ANKRD26: variants seen among roughly 807,000 people sequenced by gnomAD.
ANKRD26 encodes ankyrin repeat domain-containing protein 26.
In ANKRD26, 141 loss-of-function variants were observed where a neutral mutation model predicts 208.7. The ratio of observed to expected loss-of-function variants is 0.68; its 90% CI spans 0.59 to 0.78. The LOEUF (loss-of-function observed/expected upper bound fraction) is 0.78. Among genes scored for constraint, ANKRD26 ranks in the 30% least tolerant of loss-of-function variants. ANKRD26 has a pLI of 0.00. For missense variants in ANKRD26, 1,889 were observed against 1,938.7 expected, an observed-to-expected ratio of 0.97 and a Z score of 0.48; for synonymous variants, 636 against 660.4, an observed-to-expected ratio of 0.96 and a Z score of 0.57.
chr10:27,093,684 C>A lies in ANKRD26; in HGVS notation c.357+1G>T. The A allele has an allele frequency of 1.2e-6, 2 of 1,613,274 alleles. No homozygotes were observed. Among genetic ancestry groups the A allele is most frequent in the Non-Finnish European group, 1.7e-6 (2 of 1,179,194 alleles). On this transcript the variant is annotated splice_donor_variant, in intron 2 of 33. Coordinates refer to ENST00000376087, the MANE Select transcript of ANKRD26 (RefSeq NM_014915.3). LOFTEE classifies it high-confidence loss of function. ...TGCTGAAAGAGCTGGCTACTATATACCTTCATCAGAGCTGTCCTGTTTTCG... is the reference window on the plus strand; with the variant it reads ...TGCTGAAAGAGCTGGCTACTATATAACTTCATCAGAGCTGTCCTGTTTTCG...
intron 1 of ANKRD26, 65 bp from the exon 2 acceptor site, chr10:27,093,864 A>C (rs2056380937): frequency 8.0e-7 from 1 of 1,248,644 alleles, no homozygotes; most frequent in Admixed American, 1.7e-5. Context: ...AATGGTTCAT[A>C]AAATTATAAA....
At position 27,100,217 on chromosome 10, in the gene ANKRD26, T is replaced by C. The variant is rs543170486; in HGVS notation, c.110A>G (p.Gln37Arg). The change falls in exon 1 of 34, where the codon CAG (glutamine) becomes CGG (arginine). Residue 37 changes from glutamine (Q) to arginine (R), a missense_variant. Transcript: ENST00000376087. ...GGEPGEGAYS[Q>R]PGYHVRDRDL... Reference sequence around the variant, plus strand: ...TCGGTCTCGGACGTGGTAGCCGGGCTGCGAGTAGGCGCCCTCCCCCGGCTC... The same window carrying C: ...TCGGTCTCGGACGTGGTAGCCGGGCCGCGAGTAGGCGCCCTCCCCCGGCTC... 41 of 1,613,304 alleles carry C rather than the reference T, an allele frequency of 2.5e-5. No homozygotes were observed. The African/African-American group carries it at 4.7e-4, about 18-fold the overall frequency.
intron 27 of ANKRD26, among the ~76,000 whole-genome samples, chr10:27,028,544 C>T (rs1015056944): frequency 9.3e-5 from 13 of 140,246 alleles, no homozygotes; most frequent in African/African-American, 3.2e-4. Flanking sequence ...TGAGATCGCA[C>T]CACTGCACTC....
Position 27,013,103 on chromosome 10 carries a change from C to CT in ANKRD26, c.4731_4732insA (p.Glu1578ArgfsTer39). 1.2e-6 allele frequency: 2 copies of CT among 1,613,642 alleles called. No individual in the cohort carries two copies. Among genetic ancestry groups the CT allele is most frequent in the Non-Finnish European group, 1.7e-6 (2 of 1,179,748 alleles). The stretch of plus-strand genomic sequence containing the variant: ...TTGGTGTTGACCTCTGCTAGCCTCT[C>CT]ATTAGTTCTGTGAAGATTGCAGAAG... On this transcript the variant is annotated frameshift_variant, in exon 32 of 34. Coordinates refer to ENST00000376087, the MANE Select transcript of ANKRD26 (RefSeq NM_014915.3). LOFTEE classifies it high-confidence loss of function.
intron 9 of ANKRD26, among the ~76,000 whole-genome samples, chr10:27,076,009 G>A (rs189955311): frequency 3.4e-4 from 52 of 152,090 alleles, no homozygotes; most frequent in Admixed American, 2.0e-3. Context: ...TCCTGATTTC[G>A]GAGTTAATAA....
intron 4 of ANKRD26, among the ~76,000 whole-genome samples, chr10:27,086,953 T>C (rs2056145675): frequency 6.6e-6 from 1 of 152,012 alleles, no homozygotes; most frequent in African/African-American, 2.4e-5. Flanking sequence ...TTTGTATTTT[T>C]AGTAGAGACA....
chr10:27,044,110 A>G (rs1301979024), intron 19 of ANKRD26, 47 bp downstream of exon 19: 1 of 1,265,794 alleles, frequency 7.9e-7, no homozygotes, highest in Admixed American at 2.5e-5. Flanking sequence ...ATCTTTTATA[A>G]TGTATTTTTT....
At chr10:26,951,019 C>CTTTTTTTTT in the ANKRD26 span, among the ~76,000 whole-genome samples, 2 of 48,574 alleles carry the variant, frequency 4.1e-5, no homozygotes. Flanking sequence ...TTTTCTTTTT[C>CTTTTTTTTT]TTTTTTTTTT....
At chr10:27,053,740 T>C (rs1287996107) in intron 15 of ANKRD26, among the ~76,000 whole-genome samples, 1 of 152,198 alleles carries the variant, frequency 6.6e-6, no homozygotes, top group African/African-American at 2.4e-5. Context: ...GTTCAACCCA[T>C]ACAAACATCT....
intron 9 of ANKRD26, among the ~76,000 whole-genome samples, chr10:27,068,508 A>G (rs1166346573): frequency 6.6e-6 from 1 of 152,220 alleles, no homozygotes; most frequent in East Asian, 1.9e-4. Flanking sequence ...AGGGCACCAT[A>G]AACAAAAGGA....
chr10:27,064,691 G>C (rs16927532), intron 11 of ANKRD26, among the ~76,000 whole-genome samples: 14,460 of 152,034 alleles, frequency 0.095, 2,210 homozygotes, highest in African/African-American at 0.33. Flanking sequence ...AATACTTTTT[G>C]ATACAACTTT....
chr10:27,098,545 T>C (rs1356002840), intron 1 of ANKRD26, among the ~76,000 whole-genome samples: 1 of 118,454 alleles, frequency 8.4e-6, no homozygotes, highest in African/African-American at 3.3e-5. Flanking sequence ...AATAACAAAT[T>C]TTACCACTTT....
intron 12 of ANKRD26, chr10:27,062,126 T>C: frequency 1.0e-6 from 1 of 985,370 alleles, no homozygotes; most frequent in South Asian, 4.7e-5. Context: ...GCAAAAGTAA[T>C]CTCCAGATCT....
At chr10:26,951,933 AACCCAGAGTTTAT>A in the ANKRD26 span, among the ~76,000 whole-genome samples, 1 of 152,214 alleles carries the variant, frequency 6.6e-6, no homozygotes, top group Non-Finnish European at 1.5e-5. Context: ...TAACCCAACC[AACCCAGAGTTTAT>A]ACCCCCTTCT....
At chr10:27,091,974 A>T (rs535859186) in intron 4 of ANKRD26, among the ~76,000 whole-genome samples, 1 of 149,234 alleles carries the variant, frequency 6.7e-6, no homozygotes, top group South Asian at 2.1e-4. Context: ...GTGACGGGGG[A>T]GACTCCATGT....
At chr10:26,987,937 T>C (rs2052418072), downstream of ANKRD26, among the ~76,000 whole-genome samples, 1 of 152,180 alleles carries the variant, frequency 6.6e-6, no homozygotes, top group Admixed American at 6.5e-5. Context: ...TACCCTATAG[T>C]TATCTGGTGA....
intron 9 of ANKRD26, among the ~76,000 whole-genome samples, chr10:27,067,506 G>A (rs2055304828): frequency 6.6e-6 from 1 of 152,056 alleles, no homozygotes; most frequent in Non-Finnish European, 1.5e-5. Flanking sequence ...GGCTGTATAG[G>A]AGGCATAGCA....
intron 29 of ANKRD26, among the ~76,000 whole-genome samples, chr10:27,020,710 G>A (rs1271150428): frequency 1.3e-5 from 2 of 152,174 alleles, no homozygotes; most frequent in African/African-American, 4.8e-5. Context: ...CCAGGCTGGA[G>A]TGCAATGGTG....
At chr10:27,038,173 A>T (rs946858735) in intron 21 of ANKRD26, 119 bp from the exon 22 acceptor site, 16 of 845,778 alleles carry the variant, frequency 1.9e-5, no homozygotes, top group Non-Finnish European at 2.9e-5. Flanking sequence ...GTTCTTGAAT[A>T]TTTTTCCTTT....
Sources: allele counts gnomAD v4.1 joint callset (sites outside exome capture counted in the v4.1 genomes callset), GRCh38; gene constraint gnomAD v4.1.1; transcripts MANE v1.5; gene names NCBI Gene and HGNC (gene_info 2026-07-23, HGNC 2026-07-21).